CAMTA1: variants seen among roughly 807,000 people sequenced by gnomAD.
The protein encoded by CAMTA1 is calmodulin-binding transcription activator 1.
In CAMTA1, 27 loss-of-function variants were observed where a neutral mutation model predicts 170.9. The observed-to-expected ratio is 0.16, with a 90% CI of 0.12 to 0.22. The LOEUF (loss-of-function observed/expected upper bound fraction) is 0.22. Among genes scored for constraint, CAMTA1 ranks in the 10% least tolerant of loss-of-function variants. The pLI, the probability that CAMTA1 is intolerant of heterozygous loss-of-function variation, is 1.00. For missense variants in CAMTA1, 1,619 were observed against 2,217.2 expected (o/e 0.73, Z 5.42); for synonymous variants, 833 against 891.5 (o/e 0.93, Z 1.17).
rs576114103 is a variant in CAMTA1 at position 7,755,977 on chromosome 1, C to T, written c.4989+309C>T. On this transcript the variant is annotated intron_variant, in intron 22 of 22. Transcript: ENST00000303635. ...GGACGAAAACAGGGCTGGCAGGCCA[C>T]GTACACGGCCAAATAACGCTGCGTT... 1.0e-3 allele frequency among the ~76,000 whole-genome samples: 158 copies of T among 152,294 alleles called. 1 individual carries two copies. The highest frequency in any genetic ancestry group is 3.5e-3 in the African/African-American group (145 of 41,556).
intron 5 of CAMTA1, among the ~76,000 whole-genome samples, chr1:7,411,894 G>T: frequency 6.7e-6 from 1 of 149,878 alleles, no homozygotes. Flanking sequence ...ATCTCCTAAT[G>T]CTATCCCTCC....
intron 6 of CAMTA1, among the ~76,000 whole-genome samples, chr1:7,535,558 A>G (rs796421819): frequency 6.6e-6 from 1 of 152,258 alleles, no homozygotes; most frequent in African/African-American, 2.4e-5. Flanking sequence ...CAGCTTCTGT[A>G]CCCGGGAAAC....
At chr1:7,193,466 A>G (rs760271486) in intron 4 of CAMTA1, among the ~76,000 whole-genome samples, 2 of 151,772 alleles carry the variant, frequency 1.3e-5, no homozygotes, top group East Asian at 2.0e-4. Flanking sequence ...CTGCAGCCCA[A>G]TTGTATCGGA....
intron 11 of CAMTA1, among the ~76,000 whole-genome samples, chr1:7,728,467 ATTGGTTCCAGAGTG>A (rs759132493): frequency 1.3e-5 from 2 of 152,250 alleles, no homozygotes; most frequent in Non-Finnish European, 2.9e-5. Flanking sequence ...TCAGTTGCAG[ATTGGTTCCAGAGTG>A]CTCTGGAACA....
intron 3 of CAMTA1, among the ~76,000 whole-genome samples, chr1:6,883,989 C>T (rs894064557): frequency 1.3e-5 from 2 of 151,922 alleles, no homozygotes; most frequent in African/African-American, 4.8e-5. Context: ...CTTATATTTC[C>T]ATTACCTTCT....
chr1:7,313,546 G>C (rs1009842333), intron 5 of CAMTA1, among the ~76,000 whole-genome samples: 4 of 152,124 alleles, frequency 2.6e-5, no homozygotes, highest in Non-Finnish European at 5.9e-5. Flanking sequence ...ACTGTTAAAA[G>C]AGATTAGAGA....
At chr1:6,904,872 C>T (rs888813016) in intron 3 of CAMTA1, among the ~76,000 whole-genome samples, 1 of 150,898 alleles carries the variant, frequency 6.6e-6, no homozygotes, top group African/African-American at 2.4e-5. Context: ...GGATTACAGG[C>T]GTGAGCCGCC....
intron 3 of CAMTA1, among the ~76,000 whole-genome samples, chr1:7,013,372 C>A (rs1446129259): frequency 6.6e-6 from 1 of 151,818 alleles, no homozygotes; most frequent in African/African-American, 2.4e-5. Flanking sequence ...ACCACCATGC[C>A]CGGCTAATTT....
rs150526451 is a variant in CAMTA1 at position 7,110,434 on chromosome 1, T to C, written c.302+19063T>C. Among the ~76,000 whole-genome samples, 166 of 152,328 alleles carry C rather than the reference T, an allele frequency of 1.1e-3. 1 individual carries two copies. The highest frequency in any genetic ancestry group is 3.4e-3 in the Middle Eastern group (1 of 294). On this transcript the variant is annotated intron_variant, in intron 4 of 22. Transcript: ENST00000303635. ...ACAGCTCTTCCCTTTTGTTTTAAAA[T>C]GACCTAATAGCTGAATTGCCCGAGC... is the stretch of plus-strand genomic sequence containing the variant.
At chr1:7,584,564 C>A (rs936881568) in intron 6 of CAMTA1, among the ~76,000 whole-genome samples, 1 of 152,162 alleles carries the variant, frequency 6.6e-6, no homozygotes, top group African/African-American at 2.4e-5. Flanking sequence ...AGGAAGGAAT[C>A]TTTGTCAGAA....
In CAMTA1 at chr1:7,588,760, G is replaced by C. The variant is rs1162747223; in HGVS notation, c.511-51640G>C. Among the ~76,000 whole-genome samples the C allele has an allele frequency of 6.6e-6, 1 of 152,204 alleles. No individual in the cohort carries two copies. Among genetic ancestry groups the C allele is most frequent in the Non-Finnish European group, 1.5e-5 (1 of 68,038 alleles). On this transcript the variant is annotated intron_variant, in intron 6 of 22. Transcript: ENST00000303635. The surrounding 1 kb of genome is among the most constrained non-coding windows in gnomAD (Gnocchi z 5.8). ...GGAGCGGGACCAACAGCTCCAGGCA[G>C]GAGATTCACCCAAAGGGAAGTGACG...
At position 6,965,550 on chromosome 1, in the gene CAMTA1, G is replaced by A. The variant is rs1691379024; in HGVS notation, c.235-125754G>A. 6.6e-6 allele frequency among the ~76,000 whole-genome samples: 1 copy of A among 152,266 alleles called. No homozygotes were observed. Among genetic ancestry groups the A allele is most frequent in the East Asian group, 1.9e-4 (1 of 5,178 alleles). ...CTGAAGCAAGGCGGCTCTAGATGGA[G>A]GGAGGGGACAGGTTGGTGATTGTGT... On this transcript the variant is annotated intron_variant, in intron 3 of 22. Transcript: ENST00000303635. This position sits in a 1 kb window ranked among gnomAD's most constrained non-coding sequence, Gnocchi z 4.1.
chr1:7,274,291 A>G (rs1367337995), intron 5 of CAMTA1, among the ~76,000 whole-genome samples: 1 of 152,150 alleles, frequency 6.6e-6, no homozygotes, highest in Non-Finnish European at 1.5e-5. Context: ...AATACTAACC[A>G]TAAGAAAACT....
chr1:7,420,203 G>GC (rs2091465969), intron 5 of CAMTA1, among the ~76,000 whole-genome samples: 1 of 152,054 alleles, frequency 6.6e-6, no homozygotes, highest in Non-Finnish European at 1.5e-5. Context: ...TCCACCTGGA[G>GC]CACCTGCCCG....
intron 3 of CAMTA1, among the ~76,000 whole-genome samples, chr1:6,856,517 A>G (rs550083345): frequency 1.1e-4 from 17 of 152,240 alleles, no homozygotes; most frequent in Non-Finnish European, 2.2e-4. Flanking sequence ...GCCAGGCACT[A>G]TTCTAGTCAC....
chr1:7,465,547 G>A (rs1023916649), intron 5 of CAMTA1, among the ~76,000 whole-genome samples: 1 of 152,184 alleles, frequency 6.6e-6, no homozygotes, highest in East Asian at 1.9e-4. Flanking sequence ...TGGAGTAACC[G>A]GGTTCTGGAG....
chr1:7,480,800 T>G (rs1485318002), intron 6 of CAMTA1, among the ~76,000 whole-genome samples: 1 of 152,124 alleles, frequency 6.6e-6, no homozygotes, highest in Non-Finnish European at 1.5e-5. Flanking sequence ...ACGGCCCCAG[T>G]GCCAACTGTA....
At chr1:7,516,572 T>A (rs1159316367) in intron 6 of CAMTA1, among the ~76,000 whole-genome samples, 3 of 152,122 alleles carry the variant, frequency 2.0e-5, no homozygotes, top group African/African-American at 7.2e-5. Context: ...CTCCTTGAGG[T>A]TCCTTCCTGC....
rs976261943 is a variant in CAMTA1 at position 7,680,812 on chromosome 1, G to A, written c.2914+3079G>A. Among the ~76,000 whole-genome samples the A allele has an allele frequency of 2.0e-5, 2 of 101,394 alleles. No individual in the cohort carries two copies. Among genetic ancestry groups the A allele is most frequent in the Non-Finnish European group, 4.2e-5 (2 of 47,652 alleles). The allele number at this position is 101,394 out of a possible 152,430, so 66.5% of individuals were successfully genotyped here. On this transcript the variant is annotated intron_variant, in intron 11 of 22. Coordinates refer to ENST00000303635, the MANE Select transcript of CAMTA1 (RefSeq NM_015215.4). This position sits in a 1 kb window ranked among gnomAD's most constrained non-coding sequence, Gnocchi z 4.4. ...ATTTGTTTGCTTGGCTAAAGGCCGG[G>A]GGGGGGCGTGGGTCCGGGGCGCAGA...
Sources: gnomAD v4.1 joint callset for allele counts (sites outside exome capture counted in the v4.1 genomes callset) on GRCh38, gnomAD v4.1.1 for gene constraint, Gnocchi (gnomAD v3.1) non-coding constraint, MANE v1.5 for transcripts, NCBI Gene and HGNC (gene_info 2026-07-23, HGNC 2026-07-21) for gene names.